The following OTUD7B variants were observed in gnomAD, a reference collection of about 807,000 sequenced individuals.
OTUD7B encodes OTU deubiquitinase 7B, also known as OTU domain-containing protein 7B.
In OTUD7B, 34 loss-of-function variants were observed where a neutral mutation model predicts 82.2. The observed-to-expected ratio is 0.41, with a 90% CI of 0.31 to 0.55. OTUD7B has a LOEUF of 0.55. Among genes scored for constraint, OTUD7B ranks in the 20% least tolerant of loss-of-function variants. The pLI, the probability that OTUD7B is intolerant of heterozygous loss-of-function variation, is 0.20. For synonymous variants in OTUD7B, 398 were observed against 402.7 expected (o/e 0.99, Z 0.14); for missense variants, 944 against 1,062.1 (o/e 0.89, Z 1.55).
chr1:150,019,612 C>G, the OTUD7B span, among the ~76,000 whole-genome samples: 1 of 152,180 alleles, frequency 6.6e-6, no homozygotes, highest in African/African-American at 2.4e-5. Flanking sequence ...GTGATCCACC[C>G]ACCCCACAAG....
intron 6 of OTUD7B, chr1:149,961,954 A>C (rs78234962): frequency 4.6e-5 from 7 of 152,246 alleles, no homozygotes; most frequent in Admixed American, 3.3e-4. Flanking sequence ...TATTAAAATG[A>C]GTCTATACGG....
the OTUD7B span, among the ~76,000 whole-genome samples, chr1:150,023,315 T>A: frequency 6.6e-6 from 1 of 152,164 alleles, no homozygotes; most frequent in African/African-American, 2.4e-5. Flanking sequence ...TCGAAATCAG[T>A]GCATCAAAGA....
At chr1:149,949,478 G>A (rs1553772839) in intron 9 of OTUD7B, 151 bp downstream of exon 9, 1 of 716,948 alleles carries the variant, frequency 1.4e-6, no homozygotes, top group Non-Finnish European at 2.2e-6. Flanking sequence ...TTTTTAATTT[G>A]AAAACTCTGG....
At chr1:150,014,802 A>T (rs1274130214), upstream of OTUD7B, among the ~76,000 whole-genome samples, 1 of 152,176 alleles carries the variant, frequency 6.6e-6, no homozygotes, top group Non-Finnish European at 1.5e-5. Flanking sequence ...TCAAATAGGA[A>T]GGGACATGAG....
the OTUD7B span, among the ~76,000 whole-genome samples, chr1:150,066,779 C>T: frequency 6.6e-6 from 1 of 152,224 alleles, no homozygotes; most frequent in Non-Finnish European, 1.5e-5. This position sits in a 1 kb window ranked among gnomAD's most constrained non-coding sequence, Gnocchi z 4.6. Context: ...ATCTACCCTC[C>T]TTTTCGACAA....
chr1:149,945,502 C>T (rs953271390), intron 11 of OTUD7B, among the ~76,000 whole-genome samples: 23 of 152,136 alleles, frequency 1.5e-4, no homozygotes, highest in African/African-American at 4.1e-4. Context: ...AAATTCTGCT[C>T]GAAACTAATC....
At chr1:149,960,073 T>A (rs1649029792) in intron 6 of OTUD7B, among the ~76,000 whole-genome samples, 1 of 152,150 alleles carries the variant, frequency 6.6e-6, no homozygotes, top group African/African-American at 2.4e-5. Context: ...CCACATAACA[T>A]TTCACCTACC....
intron 7 of OTUD7B, among the ~76,000 whole-genome samples, chr1:149,954,901 T>C (rs1553774228): frequency 6.6e-6 from 1 of 152,204 alleles, no homozygotes; most frequent in African/African-American, 2.4e-5. Flanking sequence ...CCCTTTATCA[T>C]TTTTTATTGT....
At chr1:149,958,557 G>T (rs782652799) in intron 7 of OTUD7B, among the ~76,000 whole-genome samples, 1 of 151,676 alleles carries the variant, frequency 6.6e-6, no homozygotes, top group African/African-American at 2.4e-5. Context: ...TCGAATTCCC[G>T]CCCACCTCGG....
chr1:150,015,866 A>G, the OTUD7B span, among the ~76,000 whole-genome samples: 10 of 152,266 alleles, frequency 6.6e-5, no homozygotes, highest in South Asian at 2.1e-3. Context: ...TGATCTAGGC[A>G]TGTGATAGAG....
rs1647365541 is a variant in OTUD7B at position 149,943,028 on chromosome 1, C to G, written c.*829G>C. On this transcript the variant is annotated 3_prime_UTR_variant, in exon 12 of 12. Coordinates refer to ENST00000581312, the MANE Select transcript of OTUD7B (RefSeq NM_020205.4). ...TTATTGCTGTGGTTAAAAAATAGAT[C>G]AGCTCTGCCCCAATTCACCTGGAGA... The G allele has an allele frequency of 1.3e-5, 2 of 152,482 alleles. No individual in the cohort carries two copies. The highest frequency in any genetic ancestry group is 1.3e-4 in the Admixed American group (2 of 15,272). The allele number at this position is 152,482 out of a possible 1,614,324, so 9.4% of individuals were successfully genotyped here.
the OTUD7B span, among the ~76,000 whole-genome samples, chr1:150,050,057 T>C: frequency 6.6e-6 from 1 of 151,966 alleles, no homozygotes; most frequent in East Asian, 1.9e-4. Flanking sequence ...TACAAAACTT[T>C]TAAAAAAATT....
At chr1:149,953,955 G>A (rs146075468) in intron 7 of OTUD7B, among the ~76,000 whole-genome samples, 5,066 of 152,224 alleles carry the variant, frequency 0.033, 234 homozygotes, top group African/African-American at 0.11. Context: ...GGCTAAGACA[G>A]TGGGGTTTTC....
the OTUD7B span, among the ~76,000 whole-genome samples, chr1:150,049,762 AT>A: frequency 6.7e-6 from 1 of 149,758 alleles, no homozygotes; most frequent in Non-Finnish European, 1.5e-5. Flanking sequence ...TAATTTCTGT[AT>A]TTTTTATAGA....
At chr1:149,956,989 T>TCGAACAAAC (rs1648734033) in intron 7 of OTUD7B, among the ~76,000 whole-genome samples, 1 of 152,210 alleles carries the variant, frequency 6.6e-6, no homozygotes, top group African/African-American at 2.4e-5. Flanking sequence ...ACATCCTCCT[T>TCGAACAAAC]TAGCTCAGAG....
intron 2 of OTUD7B, among the ~76,000 whole-genome samples, chr1:149,976,889 G>A (rs1650359835): frequency 6.6e-6 from 1 of 152,092 alleles, no homozygotes; most frequent in Admixed American, 6.5e-5. Context: ...GGGAGGCCGA[G>A]GCAGGCAGAT....
chr1:149,988,772 G>A (rs949400322), intron 1 of OTUD7B, among the ~76,000 whole-genome samples: 8 of 152,110 alleles, frequency 5.3e-5, no homozygotes, highest in Admixed American at 1.3e-4. Context: ...CTAAGGCCAA[G>A]GATAGTCCAA....
chr1:149,944,165 G>C lies in OTUD7B; in HGVS notation c.2224C>G (p.His742Asp), dbSNP rs782361799. The C allele has an allele frequency of 2.1e-5, 34 of 1,613,868 alleles. No individual in the cohort carries two copies. The highest frequency in any genetic ancestry group is 8.3e-5 in the Admixed American group (5 of 59,992). ...TCCAGAGAAGGGATGCTGTCCTGGT[G>C]GGGGTAGGGTCGCCCAGGAGGGCAC... is the stretch of plus-strand genomic sequence containing the variant. ...RQCPPGRPYPHQDSIPSLEPG... is the reference protein window; with the variant it reads ...RQCPPGRPYPDQDSIPSLEPG... The change falls in exon 12 of 12, where the codon CAC (histidine) becomes GAC (aspartate). Residue 742 changes from histidine (H) to aspartate (D), a missense_variant. Coordinates refer to ENST00000581312, the MANE Select transcript of OTUD7B (RefSeq NM_020205.4).
chr1:150,051,157 A>G, the OTUD7B span, among the ~76,000 whole-genome samples: 4 of 148,354 alleles, frequency 2.7e-5, no homozygotes, highest in Non-Finnish European at 5.9e-5. Context: ...TGAACCCAGG[A>G]AGCAGAGGTT....
Sources: allele counts gnomAD v4.1 joint callset (sites outside exome capture counted in the v4.1 genomes callset), GRCh38; gene constraint gnomAD v4.1.1; non-coding constraint Gnocchi (gnomAD v3.1); transcripts MANE v1.5; gene names NCBI Gene and HGNC (gene_info 2026-07-23, HGNC 2026-07-21).